The following ENOX1 variants were observed in gnomAD, a reference collection of about 807,000 sequenced individuals.
ENOX1 encodes the protein candidate growth-related and time keeping constitutive hydroquinone (NADH) oxidase.
Under a neutral mutation model 82.5 loss-of-function variants are expected in ENOX1, and 42 were observed. The ratio of observed to expected loss-of-function variants is 0.51; its 90% CI spans 0.40 to 0.66. The LOEUF (loss-of-function observed/expected upper bound fraction) is 0.66, where lower values mean the gene tolerates loss of function less well. Ranked by LOEUF, ENOX1 falls within the 30% of genes least tolerant of loss-of-function variation. The pLI, the probability that ENOX1 is intolerant of heterozygous loss-of-function variation, is 0.00. For synonymous variants in ENOX1, 271 were observed against 282.2 expected, an observed-to-expected ratio of 0.96 and a Z score of 0.40; for missense variants, 608 against 811.6, an observed-to-expected ratio of 0.75 and a Z score of 3.05.
At position 43,602,251 on chromosome 13, in the gene ENOX1, G is replaced by A. The variant is rs538122405; in HGVS notation, c.-219+65228C>T. Among the ~76,000 whole-genome samples the A allele has an allele frequency of 5.3e-3, 804 of 151,758 alleles. 7 individuals carry two copies. Among genetic ancestry groups the A allele is most frequent in the African/African-American group, 0.018 (766 of 41,416 alleles). On this transcript the variant is annotated intron_variant, in intron 2 of 16. Transcript: ENST00000690772. The stretch of plus-strand genomic sequence containing the variant: ...ATCACAATATACATGACAGAGAAAA[G>A]ACTAATATCTTTACTATATGAGGAT...
rs1952655448 is a variant in ENOX1, at chr13:43,786,703, C to T, written c.-336G>A. Reference sequence around the variant, plus strand: ...GCAACCCGCTGCGCGGAGTGGGGCGCCGGGCGCGGCGCGGCTCCTCCTAGC... The same window carrying T: ...GCAACCCGCTGCGCGGAGTGGGGCGTCGGGCGCGGCGCGGCTCCTCCTAGC... On this transcript the variant is annotated 5_prime_UTR_variant, in exon 1 of 17. Coordinates refer to ENST00000690772, the MANE Select transcript of ENOX1 (RefSeq NM_001347969.2). The surrounding 1 kb of genome is among the most constrained non-coding windows in gnomAD (Gnocchi z 6.0). 6.6e-6 allele frequency: 1 copy of T among 152,068 alleles called. No homozygotes were observed. The highest frequency in any genetic ancestry group is 1.5e-5 in the Non-Finnish European group (1 of 68,140). The allele number at this position is 152,068 out of a possible 1,614,324, so 9.4% of individuals were successfully genotyped here. A position where few individuals can be genotyped will look rare whatever the true frequency, so the allele number is the denominator to read the frequency against.
Position 43,216,176 on chromosome 13 carries a change from G to A in ENOX1, c.1801-2055C>T, listed in dbSNP as rs997948696. ...TGGCACCACCGCACTCCATCCTGGG[G>A]GACAGAGAGAGACTCCGTCTCAAAA... On this transcript the variant is annotated intron_variant, in intron 16 of 16. Transcript: ENST00000690772. 2.6e-5 allele frequency among the ~76,000 whole-genome samples: 4 copies of A among 151,840 alleles called. No individual in the cohort carries two copies. The South Asian group carries it at 6.2e-4, about 24-fold the overall frequency.
intron 3 of ENOX1, among the ~76,000 whole-genome samples, chr13:43,476,534 T>A (rs2058292824): frequency 6.6e-6 from 1 of 152,148 alleles, no homozygotes; most frequent in South Asian, 2.1e-4. Context: ...AAAGTAACTC[T>A]CCTGGACACC....
chr13:43,282,820 C>T (rs930125604), intron 12 of ENOX1, among the ~76,000 whole-genome samples: 4 of 149,250 alleles, frequency 2.7e-5, no homozygotes, highest in Admixed American at 1.3e-4. Context: ...TGGCCAGGCG[C>T]GGTGGCTTAT....
chr13:43,439,946 A>G (rs578049531), intron 3 of ENOX1, among the ~76,000 whole-genome samples: 5 of 152,242 alleles, frequency 3.3e-5, no homozygotes, highest in African/African-American at 4.8e-5. Context: ...GGTTTCAGAA[A>G]TAATCAAAAG....
intron 1 of ENOX1, among the ~76,000 whole-genome samples, chr13:43,709,352 A>C (rs1446297624): frequency 2.0e-5 from 3 of 152,124 alleles, no homozygotes; most frequent in African/African-American, 7.2e-5. Context: ...TAACAAAGGA[A>C]CAAAAAAAGT....
At chr13:43,577,682 C>T (rs2080506870) in intron 2 of ENOX1, among the ~76,000 whole-genome samples, 1 of 152,222 alleles carries the variant, frequency 6.6e-6, no homozygotes, top group Non-Finnish European at 1.5e-5. Flanking sequence ...CTTCACAATA[C>T]TACTGCTCTG....
intron 1 of ENOX1, among the ~76,000 whole-genome samples, chr13:43,706,903 G>GATATATATATAT (rs141537630): frequency 2.1e-4 from 32 of 149,382 alleles, no homozygotes; most frequent in Middle Eastern, 3.5e-3. Context: ...AGGCAAGAAA[G>GATATATATATAT]ATATATATAT....
At chr13:43,494,718 C>G (rs1409912211) in intron 2 of ENOX1, among the ~76,000 whole-genome samples, 2 of 152,058 alleles carry the variant, frequency 1.3e-5, no homozygotes, top group Non-Finnish European at 2.9e-5. Context: ...ATTTTATAGG[C>G]TGCTTTAGAG....
intron 2 of ENOX1, among the ~76,000 whole-genome samples, chr13:43,614,707 G>C (rs1326279257): frequency 6.6e-6 from 1 of 152,022 alleles, no homozygotes; most frequent in Non-Finnish European, 1.5e-5. Flanking sequence ...AGAGCCACTA[G>C]GCTGTAATGA....
chr13:43,376,212 T>C (rs1387965522), intron 5 of ENOX1, among the ~76,000 whole-genome samples: 1 of 152,264 alleles, frequency 6.6e-6, no homozygotes, highest in Middle Eastern at 3.2e-3. Flanking sequence ...CACAAGTATT[T>C]AACTTCCTTC....
chr13:43,298,406 T>C lies in ENOX1; in HGVS notation c.1386A>G (p.Glu462=). The change falls in exon 12 of 17, where the codon GAA becomes GAG. Residue 462 remains glutamate (E), a synonymous_variant. Coordinates refer to ENST00000690772, the MANE Select transcript of ENOX1 (RefSeq NM_001347969.2). ...GCAGTTGCTGGTCCTTGGTGAGGTT[T>C]TCTTCTGTTCGGAAAAGCTGTTCTT... The part of the protein sequence containing the change: ...QEKEQLFRTE[E]NLTKDQQLQF... The C allele has an allele frequency of 6.2e-7, 1 of 1,614,186 alleles. No individual in the cohort carries two copies. Among genetic ancestry groups the C allele is most frequent in the Non-Finnish European group, 8.5e-7 (1 of 1,180,026 alleles).
intron 5 of ENOX1, 96 bp downstream of exon 5, chr13:43,411,820 T>C: frequency 6.8e-7 from 1 of 1,477,868 alleles, no homozygotes; most frequent in Non-Finnish European, 9.2e-7. Flanking sequence ...TAAAAGACTG[T>C]GTCCAACACT....
intron 3 of ENOX1, among the ~76,000 whole-genome samples, chr13:43,470,400 GTATATATATATA>G (rs367942044): frequency 2.5e-5 from 1 of 39,388 alleles, no homozygotes. Context: ...ATATATATGT[GTATATATATATA>G]TATATAACAG....
At chr13:43,486,105 G>A (rs992778954) in intron 2 of ENOX1, among the ~76,000 whole-genome samples, 2 of 152,226 alleles carry the variant, frequency 1.3e-5, no homozygotes, top group African/African-American at 4.8e-5. Flanking sequence ...AGCTCCTTGG[G>A]AGGCTGAGGC....
In ENOX1 at chr13:43,361,263, C is replaced by G; in HGVS notation, c.382+16G>C. Reference sequence around the variant, plus strand: ...ACATTTAAAATGAGCAAATATTTCTCATAGGCGTTACTTACTTGGATTTTG... The same window carrying G: ...ACATTTAAAATGAGCAAATATTTCTGATAGGCGTTACTTACTTGGATTTTG... On this transcript the variant is annotated intron_variant, in intron 6 of 16. Coordinates refer to ENST00000690772, the MANE Select transcript of ENOX1 (RefSeq NM_001347969.2). The G allele has an allele frequency of 6.2e-7, 1 of 1,606,056 alleles. No homozygotes were observed.
At chr13:43,408,529 T>C (rs1335096872) in intron 5 of ENOX1, among the ~76,000 whole-genome samples, 1 of 152,202 alleles carries the variant, frequency 6.6e-6, no homozygotes, top group Non-Finnish European at 1.5e-5. Context: ...CATTAAAGGC[T>C]GCCTCTAACA....
chr13:43,235,592 C>T (rs932672976), intron 15 of ENOX1, among the ~76,000 whole-genome samples: 1 of 152,020 alleles, frequency 6.6e-6, no homozygotes, highest in Non-Finnish European at 1.5e-5. Context: ...ATTAGCTGGG[C>T]GTGGTGGTGT....
chr13:43,372,166 T>C (rs2051286224), intron 5 of ENOX1, among the ~76,000 whole-genome samples: 1 of 152,208 alleles, frequency 6.6e-6, no homozygotes, highest in Non-Finnish European at 1.5e-5. Flanking sequence ...TCTAAGCAAA[T>C]GACATGTGGT....
Sources: allele counts gnomAD v4.1 joint callset (sites outside exome capture counted in the v4.1 genomes callset), GRCh38; gene constraint gnomAD v4.1.1; non-coding constraint Gnocchi (gnomAD v3.1); transcripts MANE v1.5; gene names NCBI Gene and HGNC (gene_info 2026-07-23, HGNC 2026-07-21).